Variants in ATAD2 observed in about 807,000 individuals in gnomAD.
ATAD2 encodes the protein ATPase family AAA domain-containing protein 2.
A neutral mutation model predicts 168.9 loss-of-function variants in ATAD2; 62 were observed. The ratio of observed to expected loss-of-function variants is 0.37; its 90% CI spans 0.30 to 0.45. ATAD2 has a LOEUF of 0.45. Among genes scored for constraint, ATAD2 ranks in the 20% least tolerant of loss-of-function variants. The pLI, the probability that ATAD2 is intolerant of heterozygous loss-of-function variation, is 1.00. For missense variants in ATAD2, 1,419 were observed against 1,667.8 expected, an observed-to-expected ratio of 0.85 and a Z score of 2.60; for synonymous variants, 613 against 571.6, an observed-to-expected ratio of 1.07 and a Z score of -1.03.
chr8:123,323,198 G>A (rs1339491857), intron 26 of ATAD2, 132 bp from the exon 27 acceptor site: 2 of 891,584 alleles, frequency 2.2e-6, no homozygotes, highest in South Asian at 2.1e-5. Flanking sequence ...ACACAGGGCA[G>A]CCTCTGGCAG....
intron 13 of ATAD2, 70 bp from the exon 14 acceptor site, chr8:123,349,514 T>G: frequency 1.4e-6 from 2 of 1,450,982 alleles, no homozygotes; most frequent in African/African-American, 1.4e-5. Flanking sequence ...GTAATATTTC[T>G]TCTTTTGTAA....
chr8:123,338,923 T>C (rs1254408488), intron 20 of ATAD2, among the ~76,000 whole-genome samples: 2 of 152,108 alleles, frequency 1.3e-5, no homozygotes. Flanking sequence ...TAAGTAGTTC[T>C]TTAGACAGAG....
At chr8:123,381,500 C>CAAAAT (rs1288459813) in intron 1 of ATAD2, among the ~76,000 whole-genome samples, 1 of 151,090 alleles carries the variant, frequency 6.6e-6, no homozygotes, top group African/African-American at 2.4e-5. Flanking sequence ...GACCCTGCCA[C>CAAAAT]AAAACAAAAC....
Position 123,354,864 on chromosome 8 carries a change from AATATAT to A in ATAD2, c.1646+1519_1646+1524del, listed in dbSNP as rs1251736641. Among the ~76,000 whole-genome samples, 227 of 64,704 alleles carry A rather than the reference AATATAT, an allele frequency of 3.5e-3. 1 individual carries two copies. Among genetic ancestry groups the A allele is most frequent in the Middle Eastern group, 0.026 (2 of 78 alleles). 42.4% of individuals were successfully genotyped at this position (64,704 alleles called of 152,430 possible). A position where few individuals can be genotyped will look rare whatever the true frequency, so the allele number is the denominator to read the frequency against. ...AAAAAAAAAAAAAAAAAAAAAAAAA[AATATAT>A]ATATATATATATATATATTTGAGAT... is the stretch of plus-strand genomic sequence containing the variant. On this transcript the variant is annotated intron_variant, in intron 13 of 27. Coordinates refer to ENST00000287394, the MANE Select transcript of ATAD2 (RefSeq NM_014109.4).
intron 4 of ATAD2, 101 bp downstream of exon 4, chr8:123,371,569 T>C: frequency 9.6e-7 from 1 of 1,046,546 alleles, no homozygotes; most frequent in South Asian, 1.7e-5. Flanking sequence ...CTTTACGTAG[T>C]AGAATGCATT....
chr8:123,393,826 A>G (rs1161349093), intron 1 of ATAD2, among the ~76,000 whole-genome samples: 1 of 152,066 alleles, frequency 6.6e-6, no homozygotes, highest in Non-Finnish European at 1.5e-5. Context: ...CTGAGGCAGG[A>G]GAGTCACTTG....
At chr8:123,376,298 T>G (rs4871357) in intron 2 of ATAD2, among the ~76,000 whole-genome samples, 1 of 152,036 alleles carries the variant, frequency 6.6e-6, no homozygotes, top group East Asian at 1.9e-4. Context: ...CCCAGCTACT[T>G]GGGAGGCTGG....
chr8:123,343,897 AATG>A (rs2131316662), intron 19 of ATAD2, among the ~76,000 whole-genome samples: 1 of 152,346 alleles, frequency 6.6e-6, no homozygotes, highest in African/African-American at 2.4e-5. Context: ...AAAAATAAAA[AATG>A]ATGACAGGCA....
chr8:123,337,744 G>C lies in ATAD2; in HGVS notation c.2932C>G (p.Leu978Val). ...AATGTATCTTCTTCTTGTTCTTCTA[G>C]TCGTTTCACTTCTTCTGCTGTCAGT... is the stretch of plus-strand genomic sequence containing the variant. ...RSLTAEEVKR[L>V]EEQEEDTFRE... The change falls in exon 21 of 28, where the codon CTA (leucine) becomes GTA (valine). Residue 978 changes from leucine (L) to valine (V), a missense_variant. Transcript: ENST00000287394. 1 of 1,613,610 alleles carries C rather than the reference G, an allele frequency of 6.2e-7. No homozygotes were observed. The highest frequency in any genetic ancestry group is 8.5e-7 in the Non-Finnish European group (1 of 1,179,822).
rs984705950 is a variant in ATAD2, at chr8:123,372,672, T to C, written c.335A>G (p.Gln112Arg). ...CTCTTCTTTTTTTTTATCAGCCTGCTGTCTGGCCAACTGCCTATATTTTAA... is the reference window on the plus strand; with the variant it reads ...CTCTTCTTTTTTTTTATCAGCCTGCCGTCTGGCCAACTGCCTATATTTTAA... Reference protein sequence around the residue: ...GRHFTRQLARQQADKKKEEHR... With the variant: ...GRHFTRQLARRQADKKKEEHR... Residue 112 changes from glutamine to arginine, a missense_variant, in exon 3 of 28, where the codon CAG becomes CGG. Gln to Arg is a conservative substitution (Grantham distance 43). Coordinates refer to ENST00000287394, the MANE Select transcript of ATAD2 (RefSeq NM_014109.4). 4 of 1,591,202 alleles carry C rather than the reference T, an allele frequency of 2.5e-6. No individual in the cohort carries two copies. Among genetic ancestry groups the C allele is most frequent in the Non-Finnish European group, 3.4e-6 (4 of 1,170,206 alleles).
chr8:123,331,034 T>A (rs1025121050), intron 24 of ATAD2, among the ~76,000 whole-genome samples: 6 of 152,126 alleles, frequency 3.9e-5, no homozygotes, highest in African/African-American at 1.4e-4. Flanking sequence ...AGCAATTCTC[T>A]TGCCTCAGTC....
chr8:123,384,282 A>C (rs1187484066), intron 1 of ATAD2, among the ~76,000 whole-genome samples: 2 of 152,190 alleles, frequency 1.3e-5, no homozygotes, highest in Non-Finnish European at 2.9e-5. Flanking sequence ...ACTGCTAAGC[A>C]TAACTCCTTT....
At chr8:123,347,432 A>G (rs749074600) in intron 15 of ATAD2, 26 bp from the exon 16 acceptor site, 7 of 1,548,952 alleles carry the variant, frequency 4.5e-6, no homozygotes, top group Non-Finnish European at 6.1e-6. Flanking sequence ...AGGGGAAGAA[A>G]AGAACCAGCC....
At chr8:123,390,913 C>T (rs995030745) in intron 1 of ATAD2, among the ~76,000 whole-genome samples, 2 of 151,904 alleles carry the variant, frequency 1.3e-5, no homozygotes, top group African/African-American at 4.8e-5. Context: ...ACAGCTACTC[C>T]GGAGGCTGAG....
rs553612980 is a variant in ATAD2 at position 123,371,550 on chromosome 8, T to C, written c.536+120A>G. 4 of 924,540 alleles carry C rather than the reference T, an allele frequency of 4.3e-6. No homozygotes were observed. In the Admixed American group the frequency reaches 1.3e-4, roughly 30 times the overall value. The allele number at this position is 924,540 out of a possible 1,614,324, so 57.3% of individuals were successfully genotyped here. On this transcript the variant is annotated intron_variant, in intron 4 of 27. Transcript: ENST00000287394. ...TCACAAAGACCTCTGATAATCATTC[T>C]CCTGTACGCTTTACGTAGTAGAATG...
intron 8 of ATAD2, among the ~76,000 whole-genome samples, chr8:123,365,402 T>C (rs1472134034): frequency 2.0e-5 from 3 of 152,008 alleles, no homozygotes; most frequent in Non-Finnish European, 4.4e-5. Context: ...ATACCAGCTA[T>C]CATTCTTCAC....
In ATAD2 at chr8:123,337,615, A is replaced by C. The variant is rs1303575861; in HGVS notation, c.3051+10T>G. On this transcript the variant is annotated intron_variant, in intron 21 of 27. Coordinates refer to ENST00000287394, the MANE Select transcript of ATAD2 (RefSeq NM_014109.4). ...CTAGAATACACTTGATCCAAAGATT[A>C]AACTAATACCTCATCAGGGTCAACA... The C allele has an allele frequency of 6.3e-7, 1 of 1,583,344 alleles. No homozygotes were observed. The highest frequency in any genetic ancestry group is 8.6e-7 in the Non-Finnish European group (1 of 1,165,910).
At chr8:123,406,175 G>T (rs573688779) in intron 1 of ATAD2, among the ~76,000 whole-genome samples, 1 of 151,970 alleles carries the variant, frequency 6.6e-6, no homozygotes, top group African/African-American at 2.4e-5. Context: ...CCAGGAGTTC[G>T]AGACTAGCCT....
Position 123,326,085 on chromosome 8 carries a change from AAAT to A in ATAD2, c.3869-62_3869-60del, listed in dbSNP as rs1207080934. On this transcript the variant is annotated intron_variant, in intron 25 of 27. Transcript: ENST00000287394. The stretch of plus-strand genomic sequence containing the variant: ...CCATAGATATTATGATGTCTAAAAT[AAAT>A]AATAATATTAGGCAGATTAAACAGG... The A allele has an allele frequency of 3.2e-6, 5 of 1,541,582 alleles. No individual in the cohort carries two copies. The Admixed American group carries it at 5.3e-5, about 16-fold the overall frequency.
Sources: allele counts gnomAD v4.1 joint callset (sites outside exome capture counted in the v4.1 genomes callset), GRCh38; gene constraint gnomAD v4.1.1; transcripts MANE v1.5; gene names NCBI Gene and HGNC (gene_info 2026-07-23, HGNC 2026-07-21).